Variants in XKR4 observed in about 807,000 individuals in gnomAD.
The protein encoded by XKR4 is XK related 4, also known as XK-related protein 4.
A neutral mutation model predicts 53.9 loss-of-function variants in XKR4; 12 were observed. The ratio of observed to expected loss-of-function variants is 0.22; its 90% CI spans 0.14 to 0.36. The LOEUF (loss-of-function observed/expected upper bound fraction) is 0.36, where lower values mean the gene tolerates loss of function less well. Among genes scored for constraint, XKR4 ranks in the 10% least tolerant of loss-of-function variants. XKR4 has a pLI of 1.00. For missense variants in XKR4, 799 were observed against 859.5 expected (o/e 0.93, Z 0.88); for synonymous variants, 354 against 362.4 (o/e 0.98, Z 0.26).
intron 1 of XKR4, among the ~76,000 whole-genome samples, chr8:55,215,290 G>A (rs1471802865): frequency 1.3e-5 from 2 of 152,168 alleles, no homozygotes; most frequent in Admixed American, 6.5e-5. Context: ...AGCTCCTTGG[G>A]TGCATATAGC....
intron 1 of XKR4, among the ~76,000 whole-genome samples, chr8:55,214,801 A>G (rs1414851644): frequency 1.3e-5 from 2 of 152,206 alleles, no homozygotes; most frequent in Non-Finnish European, 2.9e-5. Flanking sequence ...TTGCTGTGTG[A>G]AGGAGCTTTT....
At chr8:55,459,334 A>C (rs1240411813) in intron 2 of XKR4, among the ~76,000 whole-genome samples, 2 of 152,204 alleles carry the variant, frequency 1.3e-5, no homozygotes, top group Non-Finnish European at 2.9e-5. Context: ...CTTTAGAATA[A>C]AACATAGAAG....
intron 2 of XKR4, among the ~76,000 whole-genome samples, chr8:55,471,578 T>C (rs914727667): frequency 1.3e-5 from 2 of 152,120 alleles, no homozygotes; most frequent in African/African-American, 2.4e-5. Context: ...TACAGAAATA[T>C]AGACAATTTG....
rs961556531 is a variant in XKR4 at position 55,502,012 on chromosome 8, G to A, written c.1007-21269G>A. Among the ~76,000 whole-genome samples the A allele has an allele frequency of 1.2e-4, 19 of 152,180 alleles. No homozygotes were observed. The South Asian group carries it at 1.9e-3, about 15-fold the overall frequency. On this transcript the variant is annotated intron_variant, in intron 2 of 2. Coordinates refer to ENST00000327381, the MANE Select transcript of XKR4 (RefSeq NM_052898.2). The stretch of plus-strand genomic sequence containing the variant: ...AATTACTTACAATGTACAATACAGC[G>A]TAAATGCTATGTAAGGAGTTGGTAT...
chr8:55,514,453 C>G (rs928252154), intron 2 of XKR4, among the ~76,000 whole-genome samples: 4 of 152,020 alleles, frequency 2.6e-5, no homozygotes, highest in Non-Finnish European at 4.4e-5. Flanking sequence ...GACGGGGTTT[C>G]ACCACGTTGG....
intron 1 of XKR4, among the ~76,000 whole-genome samples, chr8:55,105,710 T>G (rs1449484059): frequency 1.3e-5 from 2 of 152,204 alleles, no homozygotes. Flanking sequence ...AGTAATCTGG[T>G]GAAAGCGTGA....
At chr8:55,481,168 A>C (rs796451640) in intron 2 of XKR4, among the ~76,000 whole-genome samples, 14 of 145,312 alleles carry the variant, frequency 9.6e-5, no homozygotes, top group African/African-American at 1.9e-4. Flanking sequence ...GCTACAGTAA[A>C]CAAAACAGCA....
chr8:55,456,834 A>AGGGC (rs1160762576), intron 2 of XKR4, among the ~76,000 whole-genome samples: 1 of 152,176 alleles, frequency 6.6e-6, no homozygotes, highest in Non-Finnish European at 1.5e-5. Context: ...AGAAGTAAAA[A>AGGGC]AGAGAAGGGA....
chr8:55,418,312 C>G (rs114962531), intron 2 of XKR4, among the ~76,000 whole-genome samples: 2,003 of 152,304 alleles, frequency 0.013, 43 homozygotes, highest in African/African-American at 0.045. Flanking sequence ...ACAGGAGCTC[C>G]TGATGGTTCT....
At chr8:55,438,074 G>A (rs1805203732) in intron 2 of XKR4, among the ~76,000 whole-genome samples, 1 of 152,104 alleles carries the variant, frequency 6.6e-6, no homozygotes, top group Admixed American at 6.5e-5. Context: ...GTAACAGCCA[G>A]AGTTCCTGTA....
intron 1 of XKR4, among the ~76,000 whole-genome samples, chr8:55,249,051 T>C (rs886078779): frequency 1.6e-4 from 24 of 152,196 alleles, no homozygotes; most frequent in African/African-American, 5.3e-4. Flanking sequence ...TTAAGTATGG[T>C]TCCTAAGTCA....
chr8:55,210,987 G>T lies in XKR4; in HGVS notation c.806+107693G>T, dbSNP rs181001636. On this transcript the variant is annotated intron_variant, in intron 1 of 2. Coordinates refer to ENST00000327381, the MANE Select transcript of XKR4 (RefSeq NM_052898.2). ...AATTTTCCATTGTGGGCTTGTCTGG[G>T]CAAGTATCCTGTGTAGTCTTTCTTA... is the stretch of plus-strand genomic sequence containing the variant. Among the ~76,000 whole-genome samples, 228 of 152,272 alleles carry T rather than the reference G, an allele frequency of 1.5e-3. 1 individual carries two copies. Among genetic ancestry groups the T allele is most frequent in the Non-Finnish European group, 1.9e-4 (13 of 68,026 alleles).
At chr8:55,267,681 A>AT (rs1349407506) in intron 1 of XKR4, among the ~76,000 whole-genome samples, 1 of 149,808 alleles carries the variant, frequency 6.7e-6, no homozygotes, top group African/African-American at 2.4e-5. Flanking sequence ...CTTTTTTTTC[A>AT]TTTTTGCAAT....
intron 2 of XKR4, chr8:55,451,384 C>T: frequency 1.3e-6 from 1 of 770,652 alleles, no homozygotes. Context: ...TGAGGAGAAG[C>T]CGCTAAGTGT....
intron 2 of XKR4, among the ~76,000 whole-genome samples, chr8:55,500,159 C>T (rs2658934): frequency 7.4e-6 from 1 of 135,934 alleles, no homozygotes; most frequent in African/African-American, 3.0e-5. Context: ...CTGGGAAAAG[C>T]ATCTGCTCCT....
chr8:55,186,734 A>G (rs1817383953), intron 1 of XKR4, among the ~76,000 whole-genome samples: 1 of 152,226 alleles, frequency 6.6e-6, no homozygotes, highest in Non-Finnish European at 1.5e-5. Context: ...GTATTCTTTT[A>G]TATAGAATAT....
At chr8:55,292,362 T>C (rs139626102) in intron 1 of XKR4, among the ~76,000 whole-genome samples, 1,973 of 152,236 alleles carry the variant, frequency 0.013, 21 homozygotes, top group Non-Finnish European at 0.018. Flanking sequence ...AAGTTATCTA[T>C]TTCATATGGG....
chr8:55,393,599 T>G (rs1804475711), intron 2 of XKR4, among the ~76,000 whole-genome samples: 1 of 152,204 alleles, frequency 6.6e-6, no homozygotes, highest in Admixed American at 6.5e-5. Flanking sequence ...AAGAAAATGT[T>G]TTGTTATATG....
intron 2 of XKR4, among the ~76,000 whole-genome samples, chr8:55,380,814 T>C (rs1251858392): frequency 1.3e-5 from 2 of 152,264 alleles, no homozygotes; most frequent in Non-Finnish European, 2.9e-5. Flanking sequence ...GCTTAGCACC[T>C]ACTGTTAATT....
Sources: allele counts gnomAD v4.1 joint callset (sites outside exome capture counted in the v4.1 genomes callset), GRCh38; gene constraint gnomAD v4.1.1; transcripts MANE v1.5; gene names NCBI Gene and HGNC (gene_info 2026-07-23, HGNC 2026-07-21).